The following GRID2 variants were observed in gnomAD, a reference collection of about 807,000 sequenced individuals.
GRID2 encodes glutamate ionotropic receptor delta type subunit 2, also known as glutamate receptor ionotropic, delta-2.
Under a neutral mutation model 114.8 loss-of-function variants are expected in GRID2, and 33 were observed. The ratio of observed to expected loss-of-function variants is 0.29; its 90% confidence interval spans 0.22 to 0.38. The LOEUF is 0.38. Among genes scored for constraint, GRID2 ranks in the 10% least tolerant of loss-of-function variants. GRID2 has a pLI of 1.00. For synonymous variants in GRID2, 505 were observed against 449.9 expected, an observed-to-expected ratio of 1.12 and a Z score of -1.55; for missense variants, 1,184 against 1,257.7, an observed-to-expected ratio of 0.94 and a Z score of 0.89.
intron 2 of GRID2, among the ~76,000 whole-genome samples, chr4:92,598,434 T>A (rs1426938058): frequency 6.6e-6 from 1 of 152,128 alleles, no homozygotes; most frequent in East Asian, 1.9e-4. Context: ...TTAGCCCCCT[T>A]TTAATCCTTG....
chr4:92,506,146 A>T (rs957162496), intron 1 of GRID2, among the ~76,000 whole-genome samples: 2 of 151,986 alleles, frequency 1.3e-5, no homozygotes, highest in African/African-American at 4.8e-5. Flanking sequence ...ACTGAATTCT[A>T]GAAGTACATG....
intron 3 of GRID2, among the ~76,000 whole-genome samples, chr4:93,099,233 A>T (rs1473050338): frequency 6.6e-6 from 1 of 151,880 alleles, no homozygotes; most frequent in African/African-American, 2.4e-5. Context: ...AAGCAATCTT[A>T]CTTATAAGAA....
chr4:93,439,296 A>G (rs1018325380), intron 10 of GRID2, among the ~76,000 whole-genome samples: 3 of 152,108 alleles, frequency 2.0e-5, no homozygotes, highest in African/African-American at 7.2e-5. Flanking sequence ...ATAGAAATTG[A>G]TAACTTGGAG....
intron 11 of GRID2, among the ~76,000 whole-genome samples, chr4:93,478,375 C>A (rs1235118375): frequency 1.3e-5 from 2 of 151,848 alleles, no homozygotes; most frequent in Non-Finnish European, 2.9e-5. Context: ...GGTATTGGGT[C>A]TGGTAAAATA....
At chr4:92,848,520 C>G (rs1039607387) in intron 2 of GRID2, among the ~76,000 whole-genome samples, 1 of 151,904 alleles carries the variant, frequency 6.6e-6, no homozygotes, top group African/African-American at 2.4e-5. Context: ...AAATAGAGTT[C>G]CATGACCTGA....
chr4:93,280,643 T>G (rs1423853896), intron 8 of GRID2, among the ~76,000 whole-genome samples: 1 of 151,944 alleles, frequency 6.6e-6, no homozygotes, highest in African/African-American at 2.4e-5. Flanking sequence ...TGATTTCTAT[T>G]TTATGGCTTA....
At chr4:93,722,174 C>A (rs144044590) in intron 14 of GRID2, among the ~76,000 whole-genome samples, 1 of 151,958 alleles carries the variant, frequency 6.6e-6, no homozygotes, top group South Asian at 2.1e-4. Flanking sequence ...CCTCAGCCTA[C>A]CAAAGTGCTA....
In GRID2 at chr4:93,749,141, C is replaced by T. The variant is rs78963552; in HGVS notation, c.2361-20069C>T. Among the ~76,000 whole-genome samples the T allele has an allele frequency of 2.4e-3, 360 of 151,956 alleles. 4 individuals are homozygous for T. The highest frequency in any genetic ancestry group is 0.014 in the Middle Eastern group (4 of 294). On this transcript the variant is annotated intron_variant, in intron 14 of 15. Transcript: ENST00000282020. Reference sequence around the variant, plus strand: ...AATGCATGCATGGGTGGCTGAGGTGCGGGAAAGAAGAAGAGAGAATATGCA... The same window carrying T: ...AATGCATGCATGGGTGGCTGAGGTGTGGGAAAGAAGAAGAGAGAATATGCA...
intron 2 of GRID2, among the ~76,000 whole-genome samples, chr4:92,684,619 A>C (rs1391038372): frequency 6.6e-6 from 1 of 152,036 alleles, no homozygotes; most frequent in Non-Finnish European, 1.5e-5. Flanking sequence ...TATTTAGAGA[A>C]AACTTTTTCA....
chr4:93,392,817 ATG>A, intron 8 of GRID2, among the ~76,000 whole-genome samples: 1 of 152,092 alleles, frequency 6.6e-6, no homozygotes, highest in East Asian at 1.9e-4. Context: ...TCAATGAAAA[ATG>A]CTGTATCTGG....
At chr4:93,032,303 A>G (rs1262943076) in intron 2 of GRID2, among the ~76,000 whole-genome samples, 1 of 152,208 alleles carries the variant, frequency 6.6e-6, no homozygotes, top group Non-Finnish European at 1.5e-5. Flanking sequence ...AGGAGTCATC[A>G]GAGAAAAAAG....
intron 11 of GRID2, among the ~76,000 whole-genome samples, chr4:93,486,449 A>T (rs913884103): frequency 2.0e-5 from 3 of 151,678 alleles, no homozygotes; most frequent in Non-Finnish European, 4.4e-5. Context: ...TTATTTTATT[A>T]GTATGTATGA....
At chr4:92,793,448 G>A (rs184354396) in intron 2 of GRID2, among the ~76,000 whole-genome samples, 1 of 151,490 alleles carries the variant, frequency 6.6e-6, no homozygotes, top group Admixed American at 6.6e-5. Flanking sequence ...TGGGTACTAG[G>A]CTTAACACCT....
At chr4:92,432,351 C>T (rs1732503892) in intron 1 of GRID2, among the ~76,000 whole-genome samples, 2 of 152,082 alleles carry the variant, frequency 1.3e-5, no homozygotes, top group Admixed American at 1.3e-4. Flanking sequence ...CCAGCTGGCC[C>T]AGGGTGGGTC....
intron 8 of GRID2, among the ~76,000 whole-genome samples, chr4:93,291,169 G>C (rs918193452): frequency 1.4e-4 from 21 of 151,438 alleles, no homozygotes. Flanking sequence ...CACCGTGCCC[G>C]GCCGGCATAC....
At chr4:93,533,122 C>A (rs536899966) in intron 13 of GRID2, among the ~76,000 whole-genome samples, 31 of 152,144 alleles carry the variant, frequency 2.0e-4, no homozygotes, top group African/African-American at 7.2e-4. Context: ...CAACAGTTGT[C>A]CCACCTTTTA....
At chr4:92,641,487 A>T (rs1731347808) in intron 2 of GRID2, among the ~76,000 whole-genome samples, 1 of 151,480 alleles carries the variant, frequency 6.6e-6, no homozygotes, top group South Asian at 2.1e-4. Flanking sequence ...ATGTATTTAA[A>T]CATAAAAACT....
chr4:93,687,144 G>A (rs1726146687), intron 14 of GRID2, among the ~76,000 whole-genome samples: 1 of 151,970 alleles, frequency 6.6e-6, no homozygotes. Flanking sequence ...GATTGGAAGT[G>A]GAATCTGAGA....
intron 13 of GRID2, among the ~76,000 whole-genome samples, chr4:93,571,526 G>A (rs1357907635): frequency 3.3e-5 from 5 of 152,000 alleles, no homozygotes; most frequent in Admixed American, 6.6e-5. Context: ...TATAGAAAGG[G>A]TTAGGCCCTT....
Sources: allele counts gnomAD v4.1 joint callset (sites outside exome capture counted in the v4.1 genomes callset), GRCh38; gene constraint gnomAD v4.1.1; transcripts MANE v1.5; gene names NCBI Gene and HGNC (gene_info 2026-07-23, HGNC 2026-07-21).